Variants in HELLS observed in about 807,000 individuals in gnomAD.
HELLS encodes lymphoid-specific helicase.
Under a neutral mutation model 120.0 loss-of-function variants are expected in HELLS, and 32 were observed. The observed-to-expected ratio is 0.27, with a 90% CI of 0.20 to 0.36. The LOEUF (loss-of-function observed/expected upper bound fraction) is 0.36. Ranked by LOEUF, HELLS falls within the 10% of genes least tolerant of loss-of-function variation. The pLI is 1.00. For missense variants in HELLS, 650 were observed against 993.4 expected, an observed-to-expected ratio of 0.65 and a Z score of 4.65; for synonymous variants, 341 against 323.4, an observed-to-expected ratio of 1.05 and a Z score of -0.58.
At chr10:94,607,835 C>A in intron 8 of HELLS, 1 of 306,144 alleles carries the variant, frequency 3.3e-6, no homozygotes, top group South Asian at 2.5e-5. Flanking sequence ...TCCAGCGATT[C>A]TCCTGCATCA....
intron 7 of HELLS, among the ~76,000 whole-genome samples, chr10:94,572,243 T>G (rs1246684100): frequency 6.6e-6 from 1 of 151,188 alleles, no homozygotes; most frequent in Middle Eastern, 3.2e-3. Context: ...TAATTTACTA[T>G]GGGATTTTGG....
intron 2 of HELLS, among the ~76,000 whole-genome samples, chr10:94,553,055 C>G (rs553973455): frequency 6.6e-6 from 1 of 152,182 alleles, no homozygotes; most frequent in African/African-American, 2.4e-5. Context: ...AATGTTCTAT[C>G]CAAATCAACT....
chr10:94,575,763 GGTTGTGT>G (rs1404466503), intron 9 of HELLS, among the ~76,000 whole-genome samples: 3 of 93,764 alleles, frequency 3.2e-5, no homozygotes, highest in African/African-American at 1.3e-4. Context: ...TTGGGGGGGG[GGTTGTGT>G]TTGTGTGTGT....
At chr10:94,575,533 C>T (rs532056885) in intron 9 of HELLS, among the ~76,000 whole-genome samples, 253 of 151,900 alleles carry the variant, frequency 1.7e-3, no homozygotes, top group African/African-American at 5.8e-3. Flanking sequence ...CTGTCTCTGT[C>T]ACCATGCTGG....
At chr10:94,589,833 C>G (rs977862285) in intron 13 of HELLS, among the ~76,000 whole-genome samples, 10 of 151,730 alleles carry the variant, frequency 6.6e-5, no homozygotes, top group African/African-American at 2.4e-4. Flanking sequence ...ACTACAGTCG[C>G]CCGCCACCAC....
intron 4 of HELLS, among the ~76,000 whole-genome samples, chr10:94,559,053 C>T (rs369681348): frequency 6.6e-6 from 1 of 152,250 alleles, no homozygotes; most frequent in South Asian, 2.1e-4. Flanking sequence ...TTATTTGTAA[C>T]CCCAGAGTCA....
intron 12 of HELLS, among the ~76,000 whole-genome samples, chr10:94,586,350 T>C (rs1845148946): frequency 6.6e-6 from 1 of 152,216 alleles, no homozygotes; most frequent in Non-Finnish European, 1.5e-5. Context: ...CTCGATCTCC[T>C]GACCTCGTGA....
At chr10:94,583,183 A>G (rs542648308) in intron 12 of HELLS, 124 bp downstream of exon 12, 94 of 476,412 alleles carry the variant, frequency 2.0e-4, no homozygotes, top group Non-Finnish European at 3.3e-4. Flanking sequence ...CTACATTTAA[A>G]TGACTCCTTT....
intron 3 of HELLS, among the ~76,000 whole-genome samples, chr10:94,555,720 C>A (rs546071362): frequency 5.3e-5 from 8 of 152,268 alleles, no homozygotes; most frequent in African/African-American, 1.9e-4. Context: ...CCTCTGACTC[C>A]TGGGTTCAAG....
Position 94,552,504 on chromosome 10 carries a change from G to A in HELLS, c.154-1622G>A, listed in dbSNP as rs143971881. On this transcript the variant is annotated intron_variant, in intron 2 of 21. Transcript: ENST00000348459. ...CTTACAATTTTTCAGGATTTAGATA[G>A]TACTGTACAGTTTACTGCTATGTAT... is the stretch of plus-strand genomic sequence containing the variant. Among the ~76,000 whole-genome samples the A allele has an allele frequency of 1.4e-4, 21 of 152,298 alleles. 2 individuals are homozygous for A. In the East Asian group the frequency reaches 4.0e-3, roughly 29 times the overall value.
chr10:94,581,782 T>A (rs140045194), intron 11 of HELLS, among the ~76,000 whole-genome samples: 33 of 152,328 alleles, frequency 2.2e-4, no homozygotes, highest in African/African-American at 7.9e-4. Context: ...TTTTATGTGT[T>A]ACCTTTGTAA....
intron 21 of HELLS, among the ~76,000 whole-genome samples, chr10:94,597,903 T>C (rs1845819093): frequency 1.3e-5 from 2 of 152,274 alleles, no homozygotes; most frequent in African/African-American, 2.4e-5. Flanking sequence ...CATTGCAAAA[T>C]GGTGATTTTT....
intron 18 of HELLS, among the ~76,000 whole-genome samples, chr10:94,594,432 G>T (rs1845645872): frequency 6.6e-6 from 1 of 152,100 alleles, no homozygotes; most frequent in Admixed American, 6.6e-5. Context: ...TCCTGCCTTG[G>T]CTTCCCAAAA....
At chr10:94,608,722 G>GA (rs145684376) in intron 9 of HELLS, among the ~76,000 whole-genome samples, 3,348 of 152,030 alleles carry the variant, frequency 0.022, 123 homozygotes, top group African/African-American at 0.075. Flanking sequence ...GGGCTTGAGG[G>GA]ATCCTCTCAC....
intron 6 of HELLS, 117 bp from the exon 7 acceptor site, chr10:94,571,271 C>A: frequency 1.2e-6 from 1 of 802,736 alleles, no homozygotes; most frequent in Non-Finnish European, 1.9e-6. Context: ...CTAGTTTTAT[C>A]TTGAGAATCT....
At chr10:94,564,468 AC>A (rs1843694208) in intron 6 of HELLS, among the ~76,000 whole-genome samples, 2 of 152,128 alleles carry the variant, frequency 1.3e-5, no homozygotes, top group African/African-American at 4.8e-5. Context: ...TTTGTTGAAG[AC>A]TTTTACGAAA....
chr10:94,562,131 A>C (rs1378695372), intron 4 of HELLS, among the ~76,000 whole-genome samples: 1 of 148,120 alleles, frequency 6.8e-6, no homozygotes, highest in Non-Finnish European at 1.5e-5. Flanking sequence ...GGCTGGGTGC[A>C]GTGGCTCAAC....
chr10:94,603,619 G>A (rs1013376897), downstream of HELLS, among the ~76,000 whole-genome samples: 12 of 152,078 alleles, frequency 7.9e-5, no homozygotes, highest in African/African-American at 1.7e-4. Context: ...TCACATATCC[G>A]ACTGTTTACT....
intron 12 of HELLS, among the ~76,000 whole-genome samples, chr10:94,585,435 C>CT (rs1383700586): frequency 7.7e-6 from 1 of 130,322 alleles, no homozygotes; most frequent in Non-Finnish European, 1.6e-5. Context: ...GAGTCTCACT[C>CT]TGTTGCCCAG....
Sources: gnomAD v4.1 joint callset for allele counts (sites outside exome capture counted in the v4.1 genomes callset) on GRCh38, gnomAD v4.1.1 for gene constraint, MANE v1.5 for transcripts, NCBI Gene and HGNC (gene_info 2026-07-23, HGNC 2026-07-21) for gene names.